The following INPP5D variants were observed in gnomAD, a reference collection of about 807,000 sequenced individuals.
The protein encoded by INPP5D is phosphatidylinositol 3,4,5-trisphosphate 5-phosphatase 1.
A neutral mutation model predicts 122.9 loss-of-function variants in INPP5D; 33 were observed. The observed-to-expected ratio is 0.27, with a 90% CI of 0.20 to 0.36. The LOEUF (loss-of-function observed/expected upper bound fraction) is 0.36. INPP5D is among the 10% of genes least tolerant of loss of function. The pLI is 1.00. For synonymous variants in INPP5D, 584 were observed against 576.2 expected (o/e 1.01, Z -0.19); for missense variants, 1,053 against 1,412.7 (o/e 0.75, Z 4.08).
intron 2 of INPP5D, among the ~76,000 whole-genome samples, chr2:233,080,463 CAGAGAGAGAG>C (rs111601408): frequency 6.7e-6 from 1 of 148,604 alleles, no homozygotes; most frequent in African/African-American, 2.5e-5. Context: ...GTGCACGTGA[CAGAGAGAGAG>C]AGAGAGAGAT....
At position 233,100,790 on chromosome 2, in the gene INPP5D, C is replaced by T. The variant is rs1426845757; in HGVS notation, c.199-21317C>T. Among the ~76,000 whole-genome samples, 1 of 152,224 alleles carries T rather than the reference C, an allele frequency of 6.6e-6. No individual in the cohort carries two copies. The highest frequency in any genetic ancestry group is 1.5e-5 in the Non-Finnish European group (1 of 68,038). On this transcript the variant is annotated intron_variant, in intron 2 of 26. Transcript: ENST00000445964. The surrounding 1 kb of genome is among the most constrained non-coding windows in gnomAD (Gnocchi z 5.3). ...TCCCCAGAGGGCAGGGTGGGCCCCA[C>T]TGGGGAGCTGGAGGGCTCACTTTTG...
Position 233,147,491 on chromosome 2 carries a change from G to A in INPP5D, c.927G>A (p.Gly309=), listed in dbSNP as rs760999765. The A allele has an allele frequency of 7.1e-6, 5 of 704,162 alleles. No individual in the cohort carries two copies. The highest frequency in any genetic ancestry group is 1.7e-5 in the African/African-American group (1 of 57,256). The allele number at this position is 704,162 out of a possible 1,614,324, so 43.6% of individuals were successfully genotyped here. ...CTAAGGTGAAGGCAGAGTCTCTGGG[G>A]ATTCCTCAGAAAATGCAGCTCAAAG... ...VTFEVKAESL[G]IPQKMQLKVD... The change falls in exon 9 of 27, where the codon GGG becomes GGA. Residue 309 remains glycine, a synonymous_variant. Coordinates refer to ENST00000445964, the MANE Select transcript of INPP5D (RefSeq NM_001017915.3).
intron 2 of INPP5D, among the ~76,000 whole-genome samples, chr2:233,116,279 A>ATAGATATAGATATAGATG: frequency 1.3e-5 from 2 of 151,830 alleles, no homozygotes; most frequent in South Asian, 4.2e-4. Flanking sequence ...AGATATAGAT[A>ATAGATATAGATATAGATG]TAGATATATA....
chr2:233,198,258 C>A lies in INPP5D; in HGVS notation c.2857C>A (p.Leu953Met). 1 of 1,613,544 alleles carries A rather than the reference C, an allele frequency of 6.2e-7. No homozygotes were observed. Among genetic ancestry groups the A allele is most frequent in the Non-Finnish European group, 8.5e-7 (1 of 1,179,868 alleles). Residue 953 changes from leucine to methionine, a missense_variant, in exon 25 of 27, where the codon CTG (leucine) becomes ATG (methionine). This residue lies in a region of INPP5D where 417 missense variants were observed against 425.8 expected (regional missense o/e 0.98). Coordinates refer to ENST00000445964, the MANE Select transcript of INPP5D (RefSeq NM_001017915.3). Reference protein sequence around the residue: ...SYDQPPKDSPLGPCRGESPPT... With the variant: ...SYDQPPKDSPMGPCRGESPPT... Reference sequence around the variant, plus strand: ...CGACCAGCCGCCCAAGGACTCCCCGCTGGGGCCCTGCAGGGGAGAAAGTCC... The same window carrying A: ...CGACCAGCCGCCCAAGGACTCCCCGATGGGGCCCTGCAGGGGAGAAAGTCC...
intron 9 of INPP5D, 120 bp downstream of exon 9, chr2:233,147,714 G>T: frequency 1.6e-6 from 1 of 632,042 alleles, no homozygotes; most frequent in South Asian, 1.8e-5. Context: ...ATGCGCGCCT[G>T]CGCTCATGCT....
intron 5 of INPP5D, chr2:233,131,130 A>C (rs748581819): frequency 3.1e-5 from 30 of 978,526 alleles, no homozygotes; most frequent in Non-Finnish European, 3.4e-5. Context: ...CAAAACTTTA[A>C]TTTTCTGATG....
chr2:233,079,206 G>C, intron 1 of INPP5D, 129 bp from the exon 2 acceptor site: 1 of 658,462 alleles, frequency 1.5e-6, no homozygotes, highest in South Asian at 1.7e-5. Context: ...TTAAGAGAAC[G>C]GTCAGCTCCG....
intron 9 of INPP5D, among the ~76,000 whole-genome samples, chr2:233,152,758 C>G (rs954775348): frequency 6.6e-6 from 1 of 152,106 alleles, no homozygotes; most frequent in African/African-American, 2.4e-5. Flanking sequence ...AGGACTCAGA[C>G]AAGGCTGAGG....
At position 233,170,376 on chromosome 2, in the gene INPP5D, C is replaced by T; in HGVS notation, c.1792-120C>T. ...ACCCGGTTCCCATAACTGTCACAGCCACCCTGCCACCATCACTCTGCAGCC... is the reference window on the plus strand; with the variant it reads ...ACCCGGTTCCCATAACTGTCACAGCTACCCTGCCACCATCACTCTGCAGCC... On this transcript the variant is annotated intron_variant, in intron 15 of 26. Transcript: ENST00000445964. This position sits in a 1 kb window ranked among gnomAD's most constrained non-coding sequence, Gnocchi z 4.5. 2.6e-6 allele frequency: 4 copies of T among 1,509,962 alleles called. No homozygotes were observed. Among genetic ancestry groups the T allele is most frequent in the South Asian group, 2.6e-5 (2 of 77,870 alleles). The allele number at this position is 1,509,962 out of a possible 1,614,324, so 93.5% of individuals were successfully genotyped here.
chr2:233,095,798 C>T lies in INPP5D; in HGVS notation c.198+16400C>T, dbSNP rs762343885. 4.6e-5 allele frequency among the ~76,000 whole-genome samples: 7 copies of T among 152,198 alleles called. No homozygotes were observed. The East Asian group carries it at 1.2e-3, about 25-fold the overall frequency. ...AAGGAAATACATAGGAAATAGAGAT[C>T]CCCTTCTCCTATTGGTAACCCTAAT... is the stretch of plus-strand genomic sequence containing the variant. On this transcript the variant is annotated intron_variant, in intron 2 of 26. Transcript: ENST00000445964.
chr2:233,137,886 A>ATGTGTG, intron 5 of INPP5D, among the ~76,000 whole-genome samples: 1 of 52,080 alleles, frequency 1.9e-5, no homozygotes, highest in Admixed American at 2.1e-4. Flanking sequence ...ATATATATAT[A>ATGTGTG]TATATATATA....
At position 233,139,830 on chromosome 2, in the gene INPP5D, C is replaced by T; in HGVS notation, c.666-12C>T. 2.5e-6 allele frequency: 1 copy of T among 398,766 alleles called. No homozygotes were observed. Among genetic ancestry groups the T allele is most frequent in the Non-Finnish European group, 4.4e-6 (1 of 226,186 alleles). The allele number at this position is 398,766 out of a possible 1,614,324, so 24.7% of individuals were successfully genotyped here. On this transcript the variant is annotated splice_polypyrimidine_tract_variant and intron_variant, in intron 5 of 26. Transcript: ENST00000445964. Reference sequence around the variant, plus strand: ...ACTAATCCTTGATGTTCACCTTGTCCCCTGCCCCCAGAGAAGTCATCCGGA... The same window carrying T: ...ACTAATCCTTGATGTTCACCTTGTCTCCTGCCCCCAGAGAAGTCATCCGGA...
intron 2 of INPP5D, among the ~76,000 whole-genome samples, chr2:233,108,496 C>T (rs1469619590): frequency 6.6e-6 from 1 of 152,256 alleles, no homozygotes; most frequent in East Asian, 1.9e-4. Context: ...TCTTCCACAT[C>T]TGATGATCAG....
At chr2:233,198,673 G>A (rs534288869) in intron 25 of INPP5D, among the ~76,000 whole-genome samples, 70 of 152,198 alleles carry the variant, frequency 4.6e-4, no homozygotes, top group African/African-American at 1.5e-3. Context: ...GTTTTGGGCC[G>A]GGCATGGTGG....
At chr2:233,070,585 G>A (rs1481944193) in intron 1 of INPP5D, among the ~76,000 whole-genome samples, 2 of 152,080 alleles carry the variant, frequency 1.3e-5, no homozygotes, top group East Asian at 3.9e-4. Context: ...GGGATTACAG[G>A]CTCCCGCCAC....
At chr2:233,104,258 G>T (rs572874028) in intron 2 of INPP5D, among the ~76,000 whole-genome samples, 11 of 152,218 alleles carry the variant, frequency 7.2e-5, no homozygotes, top group African/African-American at 2.6e-4. Flanking sequence ...TGATCTGCCT[G>T]CCTTGCCCCA....
At chr2:233,121,672 C>G (rs910779864) in intron 2 of INPP5D, among the ~76,000 whole-genome samples, 1 of 151,630 alleles carries the variant, frequency 6.6e-6, no homozygotes, top group East Asian at 1.9e-4. Context: ...CCTGCCACCA[C>G]GCCCGGCTAA....
intron 2 of INPP5D, among the ~76,000 whole-genome samples, chr2:233,092,369 A>C (rs1574718496): frequency 6.6e-6 from 1 of 151,902 alleles, no homozygotes; most frequent in African/African-American, 2.4e-5. Flanking sequence ...CGTCTCAGGG[A>C]TATGTAATTA....
intron 2 of INPP5D, among the ~76,000 whole-genome samples, chr2:233,118,105 A>T (rs1692856409): frequency 6.6e-6 from 1 of 152,130 alleles, no homozygotes. Context: ...GGCCTGTCCC[A>T]GCAGGACCCA....
Sources: allele counts gnomAD v4.1 joint callset (sites outside exome capture counted in the v4.1 genomes callset), GRCh38; gene constraint gnomAD v4.1.1; regional missense constraint gnomAD v4.1.1; non-coding constraint Gnocchi (gnomAD v3.1); transcripts MANE v1.5; gene names NCBI Gene and HGNC (gene_info 2026-07-23, HGNC 2026-07-21).